Variants in PDCD6 observed in about 807,000 individuals in gnomAD.
The protein encoded by PDCD6 is programmed cell death 6, also known as programmed cell death protein 6.
A neutral mutation model predicts 28.3 loss-of-function variants in PDCD6; 12 were observed. That is an observed-to-expected ratio of 0.42 (90% CI 0.27 to 0.69). The LOEUF (loss-of-function observed/expected upper bound fraction) is 0.69, where lower values mean the gene tolerates loss of function less well. PDCD6 is among the 30% of genes least tolerant of loss of function. The pLI is 0.22. For missense variants in PDCD6, 226 were observed against 269.9 expected (o/e 0.84, Z 1.14); for synonymous variants, 92 against 108.0 (o/e 0.85, Z 0.92).
chr5:284,514 G>C (rs1202013900), intron 2 of PDCD6, among the ~76,000 whole-genome samples: 1 of 152,120 alleles, frequency 6.6e-6, no homozygotes, highest in African/African-American at 2.4e-5. Flanking sequence ...CTGGAGACCT[G>C]TGCGGGGGAG....
chr5:298,958 A>C (rs911483709), intron 2 of PDCD6, among the ~76,000 whole-genome samples: 1 of 3,214 alleles, frequency 3.1e-4, no homozygotes, highest in African/African-American at 1.7e-3. Context: ...GCTGCTCCCC[A>C]CTAGCTGCTC....
intron 2 of PDCD6, among the ~76,000 whole-genome samples, chr5:288,293 T>TATATATATATATATATA (rs1739105725): frequency 1.3e-5 from 1 of 79,828 alleles, no homozygotes; most frequent in African/African-American, 5.4e-5. Flanking sequence ...ATATATATAT[T>TATATATATATATATATA]ATATATATAT....
intron 2 of PDCD6, among the ~76,000 whole-genome samples, chr5:278,835 G>C (rs1293002193): frequency 6.7e-6 from 1 of 149,176 alleles, no homozygotes; most frequent in Admixed American, 6.7e-5. Flanking sequence ...GACACAGGAG[G>C]GTGCTGGGGA....
At chr5:290,369 T>TG in intron 2 of PDCD6, 1 of 990,986 alleles carries the variant, frequency 1.0e-6, no homozygotes, top group Non-Finnish European at 1.6e-6. Context: ...GCAGGTCTCT[T>TG]GGGGACCGGA....
chr5:306,995 C>T (rs890550164), intron 4 of PDCD6, among the ~76,000 whole-genome samples: 17 of 152,216 alleles, frequency 1.1e-4, no homozygotes, highest in Admixed American at 3.3e-4. Flanking sequence ...AGCCGTTCAT[C>T]TTTTCTGAAG....
intron 2 of PDCD6, among the ~76,000 whole-genome samples, chr5:299,404 C>G (rs1378844259): frequency 1.3e-5 from 2 of 150,076 alleles, no homozygotes; most frequent in African/African-American, 4.9e-5. Context: ...ATCAGCCCAT[C>G]GGTTTCATCC....
At chr5:288,779 C>T (rs186519426) in intron 2 of PDCD6, 154 of 850,060 alleles carry the variant, frequency 1.8e-4, no homozygotes, top group African/African-American at 1.2e-3. Flanking sequence ...AAGTTTTATA[C>T]GGCGTTAAAA....
chr5:288,846 G>A, intron 2 of PDCD6: 1 of 1,465,270 alleles, frequency 6.8e-7, no homozygotes, highest in East Asian at 2.3e-5. Flanking sequence ...TTGTTCCATT[G>A]GTTCATCGGT....
intron 2 of PDCD6, chr5:289,401 T>A: frequency 1.6e-6 from 1 of 644,852 alleles, no homozygotes; most frequent in Non-Finnish European, 2.8e-6. Context: ...ACAGATGGTC[T>A]CTCAATACCT....
intron 2 of PDCD6, among the ~76,000 whole-genome samples, chr5:280,002 TG>T (rs1738466485): frequency 2.0e-5 from 1 of 50,498 alleles, no homozygotes. Context: ...GGGAGGGGGG[TG>T]GGCAGGGAGC....
At chr5:297,362 AT>A (rs1177432431) in intron 2 of PDCD6, among the ~76,000 whole-genome samples, 8 of 152,250 alleles carry the variant, frequency 5.3e-5, no homozygotes, top group African/African-American at 1.7e-4. Flanking sequence ...AAGGGTACGG[AT>A]TTCATAATTG....
At chr5:285,183 G>A (rs868098181) in intron 2 of PDCD6, among the ~76,000 whole-genome samples, 1 of 151,594 alleles carries the variant, frequency 6.6e-6, no homozygotes, top group East Asian at 2.0e-4. Flanking sequence ...TGCAGCTGGA[G>A]ACCCAGAGGG....
At chr5:284,735 T>G (rs1167805017) in intron 2 of PDCD6, among the ~76,000 whole-genome samples, 2 of 148,552 alleles carry the variant, frequency 1.3e-5, no homozygotes, top group African/African-American at 5.1e-5. Flanking sequence ...TTCAGGGCCG[T>G]GCAGCTGGAG....
Position 286,159 on chromosome 5 carries a change from G to A in PDCD6, c.163+13387G>A, listed in dbSNP as rs540181859. On this transcript the variant is annotated intron_variant, in intron 2 of 5. Coordinates refer to ENST00000264933, the MANE Select transcript of PDCD6 (RefSeq NM_013232.4). ...GAGACCCGGGGGGAGTTGATGTTCC[G>A]TTTGAGGGCCGTGCAGCTGGAGACC... Among the ~76,000 whole-genome samples the A allele has an allele frequency of 3.9e-4, 56 of 143,370 alleles. No homozygotes were observed. The South Asian group carries it at 0.011, about 29-fold the overall frequency. The allele number at this position is 143,370 out of a possible 152,430, so 94.1% of individuals were successfully genotyped here. A position where few individuals can be genotyped will look rare whatever the true frequency, so the allele number is the denominator to read the frequency against.
chr5:284,687 A>G (rs6888541), intron 2 of PDCD6, among the ~76,000 whole-genome samples: 90,800 of 126,070 alleles, frequency 0.72, 30,265 homozygotes, highest in South Asian at 0.81. Context: ...TTTGAGGTCC[A>G]TGCAGCTGGA....
At chr5:306,480 T>G in intron 3 of PDCD6, 122 bp from the exon 4 acceptor site, 1 of 829,836 alleles carries the variant, frequency 1.2e-6, no homozygotes, top group African/African-American at 1.7e-5. Context: ...CATTGCCCAG[T>G]CCCTGGTTAG....
chr5:281,860 A>T (rs1738586063), intron 2 of PDCD6, among the ~76,000 whole-genome samples: 1 of 134,292 alleles, frequency 7.4e-6, no homozygotes, highest in Non-Finnish European at 1.5e-5. Flanking sequence ...GGATGAGCTG[A>T]TGTTGTTCGC....
At chr5:308,988 G>C (rs907023959) in intron 4 of PDCD6, 2 of 154,400 alleles carry the variant, frequency 1.3e-5, no homozygotes, top group African/African-American at 4.8e-5. Flanking sequence ...GTAAACAGCC[G>C]GTGAGATTCT....
rs762159853 is a variant in PDCD6 at position 272,817 on chromosome 5, G to A, written c.163+45G>A. 1.2e-5 allele frequency: 19 copies of A among 1,555,646 alleles called. 2 individuals are homozygous for A. The South Asian group carries it at 2.0e-4, about 16-fold the overall frequency. ...CTGGGTCTCCGGACCAAGAAGCCGCGAGCCTGCCCTGTTCACAGTGGATAA... is the reference window on the plus strand; with the variant it reads ...CTGGGTCTCCGGACCAAGAAGCCGCAAGCCTGCCCTGTTCACAGTGGATAA... On this transcript the variant is annotated intron_variant, in intron 2 of 5. Coordinates refer to ENST00000264933, the MANE Select transcript of PDCD6 (RefSeq NM_013232.4).
Sources: gnomAD v4.1 joint callset for allele counts (sites outside exome capture counted in the v4.1 genomes callset) on GRCh38, gnomAD v4.1.1 for gene constraint, MANE v1.5 for transcripts, NCBI Gene and HGNC (gene_info 2026-07-23, HGNC 2026-07-21) for gene names.